AASDH: variants seen among roughly 807,000 people sequenced by gnomAD.
AASDH encodes the protein beta-alanine-activating enzyme.
A neutral mutation model predicts 102.3 loss-of-function variants in AASDH; 81 were observed. That is an observed-to-expected ratio of 0.79 (90% CI 0.66 to 0.95). The LOEUF (loss-of-function observed/expected upper bound fraction) is 0.95. Ranked by LOEUF, AASDH falls within the 40% of genes least tolerant of loss-of-function variation. The pLI, the probability that AASDH is intolerant of heterozygous loss-of-function variation, is 0.00. For missense variants in AASDH, 1,203 were observed against 1,266.2 expected (o/e 0.95, Z 0.76); for synonymous variants, 398 against 454.0 (o/e 0.88, Z 1.57).
At chr4:56,361,153 T>G (rs1198524687) in intron 5 of AASDH, among the ~76,000 whole-genome samples, 1 of 152,214 alleles carries the variant, frequency 6.6e-6, no homozygotes, top group Non-Finnish European at 1.5e-5. Context: ...GACTCACGCC[T>G]GTAATCCCAA....
chr4:56,364,717 A>G (rs1274562257), intron 5 of AASDH, among the ~76,000 whole-genome samples: 1 of 152,214 alleles, frequency 6.6e-6, no homozygotes, highest in African/African-American at 2.4e-5. Flanking sequence ...TCTTGAAGGA[A>G]TCACTAAACA....
intron 14 of AASDH, among the ~76,000 whole-genome samples, chr4:56,342,110 CAAAAAAAAAAAAAAAA>C (rs113304959): frequency 0.54 from 53,824 of 99,064 alleles, 10,841 homozygotes; most frequent in Middle Eastern, 0.62. Flanking sequence ...GATTCTGTCT[CAAAAAAAAAAAAAAAA>C]AAAAAAAAGA....
chr4:56,383,685 T>C (rs1753233143), intron 2 of AASDH, among the ~76,000 whole-genome samples: 1 of 152,224 alleles, frequency 6.6e-6, no homozygotes, highest in Non-Finnish European at 1.5e-5. Flanking sequence ...ATTTATTGAA[T>C]ACCTTAGTGC....
At chr4:56,362,071 T>A (rs1055670975) in intron 5 of AASDH, among the ~76,000 whole-genome samples, 11 of 152,218 alleles carry the variant, frequency 7.2e-5, no homozygotes, top group Non-Finnish European at 1.5e-4. Flanking sequence ...AGGTTTGTGA[T>A]AAACCAAAAA....
Position 56,350,291 on chromosome 4 carries a change from C to T in AASDH, c.1693-233G>A, listed in dbSNP as rs548138331. Among the ~76,000 whole-genome samples, 5 of 152,232 alleles carry T rather than the reference C, an allele frequency of 3.3e-5. No individual in the cohort carries two copies. In the East Asian group the frequency reaches 7.7e-4, roughly 24 times the overall value. On this transcript the variant is annotated intron_variant, in intron 10 of 14. Transcript: ENST00000205214. ...CCAACACAGTGAAACCCCACCTCCA[C>T]TAAAACCACGAAAATTAGCTGGGTG...
chr4:56,355,178 T>C lies in AASDH; in HGVS notation c.1103+4A>G, dbSNP rs562746828. On this transcript the variant is annotated splice_donor_region_variant and intron_variant, in intron 6 of 14. Coordinates refer to ENST00000205214, the MANE Select transcript of AASDH (RefSeq NM_181806.4). The stretch of plus-strand genomic sequence containing the variant: ...TCTCTATATAGTACAATGAAAACCC[T>C]TACTTGAGAGTAGAGTTAAGAGTCT... 88 of 1,613,150 alleles carry C rather than the reference T, an allele frequency of 5.5e-5. No homozygotes were observed. In the South Asian group the frequency reaches 8.2e-4, roughly 15 times the overall value.
chr4:56,366,592 G>A (rs1312549727), intron 5 of AASDH, among the ~76,000 whole-genome samples: 1 of 151,938 alleles, frequency 6.6e-6, no homozygotes, highest in Non-Finnish European at 1.5e-5. Context: ...ACATAATCCA[G>A]CATATAAACA....
At chr4:56,377,962 G>A (rs776700007) in intron 4 of AASDH, among the ~76,000 whole-genome samples, 186 bp downstream of exon 4, 13 of 151,976 alleles carry the variant, frequency 8.6e-5, no homozygotes, top group South Asian at 2.1e-4. Context: ...CCACCAACAC[G>A]CCTGGCTGAT....
chr4:56,356,300 T>C (rs750332287), intron 5 of AASDH: 7 of 1,282,248 alleles, frequency 5.5e-6, no homozygotes, highest in Middle Eastern at 2.2e-4. Context: ...CTTTGTGAAA[T>C]AGCCCTGCTC....
intron 5 of AASDH, among the ~76,000 whole-genome samples, chr4:56,359,426 AT>A (rs1441234991): frequency 1.3e-5 from 2 of 150,794 alleles, no homozygotes; most frequent in Non-Finnish European, 3.0e-5. Context: ...TGTGTGGCTA[AT>A]TTTTTTGCAT....
intron 10 of AASDH, among the ~76,000 whole-genome samples, chr4:56,350,535 T>TTA (rs1426597504): frequency 1.3e-5 from 2 of 151,878 alleles, no homozygotes; most frequent in African/African-American, 4.8e-5. Flanking sequence ...TTATTTTATT[T>TTA]ATGTTAAAGG....
intron 4 of AASDH, among the ~76,000 whole-genome samples, chr4:56,377,893 C>G (rs2109993800): frequency 6.6e-6 from 1 of 152,300 alleles, no homozygotes; most frequent in African/African-American, 2.4e-5. Flanking sequence ...CAACCTCCAC[C>G]TCCTGGGTTC....
At position 56,375,977 on chromosome 4, in the gene AASDH, C is replaced by T. The variant is rs1752294431; in HGVS notation, c.668+2171G>A. On this transcript the variant is annotated intron_variant, in intron 4 of 14. Coordinates refer to ENST00000205214, the MANE Select transcript of AASDH (RefSeq NM_181806.4). The stretch of plus-strand genomic sequence containing the variant: ...CTACTAATTCATTATTTAAACCAAC[C>T]CCTTCTACCAATTCCCCACCCTCAG... 2.0e-5 allele frequency among the ~76,000 whole-genome samples: 3 copies of T among 151,676 alleles called. No individual in the cohort carries two copies. In the South Asian group the frequency reaches 6.3e-4, roughly 32 times the overall value.
chr4:56,382,654 A>G (rs951654757), intron 2 of AASDH, 57 bp from the exon 3 acceptor site: 24 of 1,555,442 alleles, frequency 1.5e-5, no homozygotes, highest in Non-Finnish European at 2.1e-5. Context: ...TATTTGTTTA[A>G]GCATTTCTAT....
intron 5 of AASDH, among the ~76,000 whole-genome samples, chr4:56,367,787 C>G (rs1476845725): frequency 7.3e-4 from 101 of 138,540 alleles, no homozygotes; most frequent in Admixed American, 1.8e-3. Context: ...CTAGGCAATA[C>G]CATTCAGCAC....
In AASDH at chr4:56,382,459, T is replaced by C. The variant is rs756719395; in HGVS notation, c.351+18A>G. 5 of 1,528,572 alleles carry C rather than the reference T, an allele frequency of 3.3e-6. No homozygotes were observed. The highest frequency in any genetic ancestry group is 1.8e-5 in the Admixed American group (1 of 54,424). The allele number at this position is 1,528,572 out of a possible 1,614,324, so 94.7% of individuals were successfully genotyped here. On this transcript the variant is annotated intron_variant, in intron 3 of 14. Transcript: ENST00000205214. ...AAATGTAATACAGGCAAAAAACAAT[T>C]GAAACATCCAGACTTACATTAATTT...
chr4:56,362,804 C>T (rs957397066), intron 5 of AASDH, among the ~76,000 whole-genome samples: 3 of 152,120 alleles, frequency 2.0e-5, no homozygotes, highest in Non-Finnish European at 2.9e-5. Context: ...CAGCTCCCAG[C>T]GTGAGCGACG....
intron 3 of AASDH, 43 bp from the exon 4 acceptor site, chr4:56,378,507 A>G (rs928149769): frequency 4.9e-6 from 7 of 1,422,842 alleles, no homozygotes; most frequent in Non-Finnish European, 6.7e-6. Flanking sequence ...TAGTATGTTA[A>G]AAGATATTCT....
At chr4:56,373,997 C>T (rs1424457977) in intron 4 of AASDH, among the ~76,000 whole-genome samples, 1 of 152,236 alleles carries the variant, frequency 6.6e-6, no homozygotes, top group East Asian at 1.9e-4. Context: ...ATATACTGTT[C>T]CTCATTTTCC....
Sources: allele counts gnomAD v4.1 joint callset (sites outside exome capture counted in the v4.1 genomes callset), GRCh38; gene constraint gnomAD v4.1.1; transcripts MANE v1.5; gene names NCBI Gene and HGNC (gene_info 2026-07-23, HGNC 2026-07-21).